SOX6: variants seen among roughly 807,000 people sequenced by gnomAD.
SOX6 encodes SRY-box transcription factor 6, also known as transcription factor SOX-6.
Under a neutral mutation model 97.8 loss-of-function variants are expected in SOX6, and 11 were observed. The observed-to-expected ratio is 0.11, with a 90% CI of 0.07 to 0.19. The LOEUF (loss-of-function observed/expected upper bound fraction) is 0.19, where lower values mean the gene tolerates loss of function less well. Ranked by LOEUF, SOX6 falls within the 10% of genes least tolerant of loss-of-function variation. The pLI, the probability that SOX6 is intolerant of heterozygous loss-of-function variation, is 1.00. For missense variants in SOX6, 810 were observed against 1,039.5 expected (o/e 0.78, Z 3.04); for synonymous variants, 360 against 371.4 (o/e 0.97, Z 0.35).
intron 4 of SOX6, among the ~76,000 whole-genome samples, chr11:16,594,981 C>T (rs1336525029): frequency 2.0e-5 from 3 of 152,058 alleles, no homozygotes; most frequent in Non-Finnish European, 4.4e-5. Flanking sequence ...CGTGAGCCAC[C>T]GCGCCCGGCC....
At chr11:16,055,009 G>T (rs537772354) in intron 10 of SOX6, among the ~76,000 whole-genome samples, 1 of 152,214 alleles carries the variant, frequency 6.6e-6, no homozygotes, top group Non-Finnish European at 1.5e-5. Flanking sequence ...GACATAACTT[G>T]GGAAAGCCTG....
At chr11:16,340,781 T>C (rs573968580) in intron 2 of SOX6, among the ~76,000 whole-genome samples, 6 of 152,154 alleles carry the variant, frequency 3.9e-5, no homozygotes, top group Admixed American at 3.9e-4. Flanking sequence ...AATCAATCGA[T>C]AAAATATATT....
chr11:16,067,085 G>C (rs956888633), intron 9 of SOX6, among the ~76,000 whole-genome samples: 2 of 152,168 alleles, frequency 1.3e-5, no homozygotes, highest in African/African-American at 4.8e-5. Flanking sequence ...ACTTGCTTCT[G>C]ATTTTACAGG....
At chr11:15,996,667 T>C (rs1854236673) in intron 13 of SOX6, among the ~76,000 whole-genome samples, 2 of 151,522 alleles carry the variant, frequency 1.3e-5, no homozygotes, top group African/African-American at 4.8e-5. Context: ...TAGCTAAAAA[T>C]CTACCAGAGT....
chr11:16,184,043 T>A, intron 5 of SOX6, 89 bp from the exon 6 acceptor site: 3 of 1,151,554 alleles, frequency 2.6e-6, no homozygotes, highest in Non-Finnish European at 3.9e-6. Flanking sequence ...TACAACAATC[T>A]TTTACCGCAC....
chr11:16,099,540 T>C (rs904653601), intron 7 of SOX6, among the ~76,000 whole-genome samples: 5 of 151,710 alleles, frequency 3.3e-5, no homozygotes, highest in Non-Finnish European at 7.4e-5. Context: ...GCATTATTCA[T>C]ACTAACTCTA....
At chr11:16,588,764 T>G (rs1848121595) in intron 4 of SOX6, among the ~76,000 whole-genome samples, 1 of 152,216 alleles carries the variant, frequency 6.6e-6, no homozygotes, top group South Asian at 2.1e-4. Flanking sequence ...CACCATGGCT[T>G]AAGCCTATAA....
intron 13 of SOX6, among the ~76,000 whole-genome samples, chr11:15,996,409 T>A (rs1279167854): frequency 6.6e-6 from 1 of 151,856 alleles, no homozygotes; most frequent in Non-Finnish European, 1.5e-5. Flanking sequence ...TGGGAGGATC[T>A]CTTGAGGTCA....
intron 1 of SOX6, among the ~76,000 whole-genome samples, chr11:16,403,651 G>C (rs1858617600): frequency 6.6e-6 from 1 of 151,646 alleles, no homozygotes; most frequent in Admixed American, 6.6e-5. Context: ...CAGTAGGAAG[G>C]AAGGAAGTAC....
At chr11:16,446,164 C>T (rs146003020) in intron 1 of SOX6, among the ~76,000 whole-genome samples, 19 of 151,528 alleles carry the variant, frequency 1.3e-4, no homozygotes, top group Non-Finnish European at 2.5e-4. Context: ...ATGAAGATTA[C>T]AATGGAGATT....
At chr11:16,022,713 A>G (rs1052670788) in intron 12 of SOX6, among the ~76,000 whole-genome samples, 6 of 152,066 alleles carry the variant, frequency 3.9e-5, no homozygotes, top group African/African-American at 1.4e-4. Flanking sequence ...GCGCCCAATC[A>G]ATGCTTTCCA....
In SOX6 at chr11:16,269,133, C is replaced by T. The variant is rs554826638; in HGVS notation, c.446-34462G>A. On this transcript the variant is annotated intron_variant, in intron 3 of 15. Coordinates refer to ENST00000683767, the MANE Select transcript of SOX6 (RefSeq NM_001367873.1). Reference sequence around the variant, plus strand: ...AACGTTATCTTTTTTAAATGGCTACCGCATTTGAATTTAATATATGGCTAT... The same window carrying T: ...AACGTTATCTTTTTTAAATGGCTACTGCATTTGAATTTAATATATGGCTAT... Among the ~76,000 whole-genome samples the T allele has an allele frequency of 3.3e-4, 50 of 149,856 alleles. 1 individual carries two copies. The highest frequency in any genetic ancestry group is 3.5e-3 in the Middle Eastern group (1 of 288).
intron 3 of SOX6, among the ~76,000 whole-genome samples, chr11:16,241,004 AC>A (rs34134585): frequency 0.78 from 118,134 of 151,888 alleles, 46,087 homozygotes; most frequent in Non-Finnish European, 0.8. Context: ...GAAGTAAGAC[AC>A]TCTAATTCTT....
At chr11:16,426,116 C>A (rs575003608) in intron 1 of SOX6, among the ~76,000 whole-genome samples, 6 of 151,004 alleles carry the variant, frequency 4.0e-5, no homozygotes, top group Non-Finnish European at 8.9e-5. Context: ...ATTAGCCAGG[C>A]GTGGTGGTGG....
In SOX6 at chr11:16,055,815, C is replaced by T. The variant is rs368498718; in HGVS notation, c.1188G>A (p.Gly396=). The change falls in exon 10 of 16, where the codon GGG becomes GGA. Residue 396 remains glycine (G), a synonymous_variant. Coordinates refer to ENST00000683767, the MANE Select transcript of SOX6 (RefSeq NM_001367873.1). The part of the protein sequence containing the change: ...PSTPQPPNTA[G]TVSPTGIKNE... ...TTTTTATCCCAGTAGGTGAGACCGTCCCTGCTGTGTTTGGTGGCTGTGGAG... is the reference window on the plus strand; with the variant it reads ...TTTTTATCCCAGTAGGTGAGACCGTTCCTGCTGTGTTTGGTGGCTGTGGAG... 1.2e-6 allele frequency: 2 copies of T among 1,613,694 alleles called. No individual in the cohort carries two copies. The highest frequency in any genetic ancestry group is 2.7e-5 in the African/African-American group (2 of 74,876).
At chr11:16,098,313 C>T (rs908042596) in intron 7 of SOX6, among the ~76,000 whole-genome samples, 9 of 151,746 alleles carry the variant, frequency 5.9e-5, no homozygotes, top group African/African-American at 2.2e-4. Context: ...GATCCTAGTA[C>T]AGAATCATGC....
intron 1 of SOX6, among the ~76,000 whole-genome samples, chr11:16,425,720 T>C (rs1347378861): frequency 6.6e-6 from 1 of 152,042 alleles, no homozygotes. Flanking sequence ...TATTCACAAT[T>C]GCCACAAAAA....
At chr11:16,197,000 A>T (rs1466369694) in intron 4 of SOX6, among the ~76,000 whole-genome samples, 1 of 151,592 alleles carries the variant, frequency 6.6e-6, no homozygotes, top group Non-Finnish European at 1.5e-5. Flanking sequence ...CGCCTGGCTA[A>T]TTTTTGTATA....
chr11:16,031,375 T>A (rs994240981), intron 12 of SOX6: 1 of 152,196 alleles, frequency 6.6e-6, no homozygotes, highest in Non-Finnish European at 1.5e-5. Context: ...TTTAAATAAA[T>A]GACATCAGCA....
Sources: gnomAD v4.1 joint callset for allele counts (sites outside exome capture counted in the v4.1 genomes callset) on GRCh38, gnomAD v4.1.1 for gene constraint, MANE v1.5 for transcripts, NCBI Gene and HGNC (gene_info 2026-07-23, HGNC 2026-07-21) for gene names.